RPTOR: variants seen among roughly 807,000 people sequenced by gnomAD.
RPTOR encodes regulatory-associated protein of mTOR.
RPTOR carries 21 observed loss-of-function variants against 169.9 expected under a neutral mutation model. The observed-to-expected ratio is 0.12, with a 90% CI of 0.09 to 0.18. The LOEUF (loss-of-function observed/expected upper bound fraction) is 0.18, where lower values mean the gene tolerates loss of function less well. Among genes scored for constraint, RPTOR ranks in the 10% least tolerant of loss-of-function variants. The pLI is 1.00. For missense variants in RPTOR, 1,133 were observed against 1,855.9 expected (o/e 0.61, Z 7.16); for synonymous variants, 732 against 753.2 (o/e 0.97, Z 0.46).
At chr17:80,576,261 T>A (rs1372985089) in intron 1 of RPTOR, among the ~76,000 whole-genome samples, 1 of 152,244 alleles carries the variant, frequency 6.6e-6, no homozygotes, top group African/African-American at 2.4e-5. Context: ...AATGTTTTTT[T>A]AAATGCCTTT....
intron 1 of RPTOR, among the ~76,000 whole-genome samples, chr17:80,557,504 G>A (rs1163159350): frequency 2.0e-5 from 3 of 151,506 alleles, no homozygotes; most frequent in Admixed American, 6.6e-5. Flanking sequence ...GTGACAGAAC[G>A]AGACTTTGTC....
At chr17:80,640,022 T>C (rs79351253) in intron 2 of RPTOR, among the ~76,000 whole-genome samples, 9,858 of 152,284 alleles carry the variant, frequency 0.065, 1,057 homozygotes, top group African/African-American at 0.23. Flanking sequence ...TGTAAAGTTC[T>C]AAGTATCTTG....
intron 6 of RPTOR, among the ~76,000 whole-genome samples, chr17:80,780,001 C>T (rs1304598292): frequency 6.6e-6 from 1 of 152,048 alleles, no homozygotes; most frequent in Non-Finnish European, 1.5e-5. Context: ...CATGCTGTTG[C>T]GGCTCTCATC....
intron 9 of RPTOR, among the ~76,000 whole-genome samples, chr17:80,835,819 G>A (rs745691617): frequency 6.6e-6 from 1 of 152,132 alleles, no homozygotes; most frequent in Admixed American, 6.5e-5. Context: ...AAACACTTCC[G>A]GTCCCAGGCA....
chr17:80,687,394 C>G (rs2065956680), intron 3 of RPTOR, among the ~76,000 whole-genome samples: 1 of 152,260 alleles, frequency 6.6e-6, no homozygotes, highest in South Asian at 2.1e-4. Context: ...CCACTGGTCA[C>G]TTGTCCACAA....
chr17:80,870,439 C>T, intron 13 of RPTOR, among the ~76,000 whole-genome samples: 1 of 152,240 alleles, frequency 6.6e-6, no homozygotes, highest in East Asian at 1.9e-4. Flanking sequence ...AAAGTCGTTT[C>T]ACCACAGTTC....
intron 24 of RPTOR, among the ~76,000 whole-genome samples, chr17:80,928,346 A>G (rs141511658): frequency 4.9e-4 from 74 of 152,362 alleles, no homozygotes; most frequent in African/African-American, 1.7e-3. Context: ...AACGAGCTGC[A>G]TTAGGAACTT....
chr17:80,897,680 G>C (rs778287569), intron 20 of RPTOR, among the ~76,000 whole-genome samples: 2 of 152,232 alleles, frequency 1.3e-5, no homozygotes, highest in Non-Finnish European at 2.9e-5. Context: ...GTTGGGCTGT[G>C]ACTTTTCTTG....
rs2065701163 is a variant in RPTOR, at chr17:80,659,085, G to A, written c.348+15275G>A. Among the ~76,000 whole-genome samples the A allele has an allele frequency of 6.6e-6, 1 of 152,198 alleles. No homozygotes were observed. On this transcript the variant is annotated intron_variant, in intron 3 of 33. Coordinates refer to ENST00000306801, the MANE Select transcript of RPTOR (RefSeq NM_020761.3). This position sits in a 1 kb window ranked among gnomAD's most constrained non-coding sequence, Gnocchi z 4.3. ...GCCGAGAGCCACAGGGCTCACCCGT[G>A]GAGGGAATCTGAGTCCCGATTGTGG... is the stretch of plus-strand genomic sequence containing the variant.
chr17:80,688,534 A>G (rs1481689575), intron 3 of RPTOR, among the ~76,000 whole-genome samples: 2 of 151,642 alleles, frequency 1.3e-5, no homozygotes, highest in Non-Finnish European at 2.9e-5. Context: ...ACCACTCCAA[A>G]CATCACAGCC....
At chr17:80,625,589 G>A in intron 1 of RPTOR, 102 bp from the exon 2 acceptor site, 1 of 885,828 alleles carries the variant, frequency 1.1e-6, no homozygotes, top group Non-Finnish European at 1.8e-6. Flanking sequence ...AGGTGGGTAG[G>A]GAAGGGGCTC....
intron 1 of RPTOR, among the ~76,000 whole-genome samples, chr17:80,548,078 CTTTTTTTTT>C (rs55928458): frequency 9.7e-6 from 1 of 102,782 alleles, no homozygotes. Flanking sequence ...TTTTCTGTTT[CTTTTTTTTT>C]TTTTTTTTTT....
At position 80,754,791 on chromosome 17, in the gene RPTOR, C is replaced by T. The variant is rs777896598; in HGVS notation, c.830+606C>T. 2.6e-4 allele frequency among the ~76,000 whole-genome samples: 40 copies of T among 152,282 alleles called. No individual in the cohort carries two copies. The highest frequency in any genetic ancestry group is 3.4e-3 in the Middle Eastern group (1 of 294). ...AATATTCTCCCCTAGACCATCTTGC[C>T]AGTCTTTAATATCTCCTTTCCCATT... On this transcript the variant is annotated intron_variant, in intron 6 of 33. Transcript: ENST00000306801. This position sits in a 1 kb window ranked among gnomAD's most constrained non-coding sequence, Gnocchi z 4.2.
At chr17:80,679,958 C>T (rs2065886274) in intron 3 of RPTOR, among the ~76,000 whole-genome samples, 1 of 152,152 alleles carries the variant, frequency 6.6e-6, no homozygotes, top group Non-Finnish European at 1.5e-5. Context: ...TGGTCCCTGT[C>T]CTGGAGAGGA....
At chr17:80,867,362 T>TA (rs35953303) in intron 13 of RPTOR, among the ~76,000 whole-genome samples, 61,189 of 147,680 alleles carry the variant, frequency 0.41, 12,881 homozygotes, top group Non-Finnish European at 0.48. Context: ...ACTTCTGATT[T>TA]AAAAAAAAAA....
intron 13 of RPTOR, among the ~76,000 whole-genome samples, chr17:80,864,903 C>T (rs1433650638): frequency 6.6e-6 from 1 of 152,228 alleles, no homozygotes; most frequent in African/African-American, 2.4e-5. Context: ...TCACCGCTCA[C>T]TGTAAGCTCA....
intron 5 of RPTOR, chr17:80,743,569 A>G (rs2066506620): frequency 6.5e-6 from 3 of 458,526 alleles, no homozygotes; most frequent in Admixed American, 1.3e-4. Context: ...TGCGTGGGCT[A>G]GAAATCATGG....
intron 11 of RPTOR, among the ~76,000 whole-genome samples, chr17:80,849,942 C>T (rs2067775520): frequency 6.6e-6 from 1 of 150,780 alleles, no homozygotes; most frequent in Non-Finnish European, 1.5e-5. Context: ...CTCAGGAAGC[C>T]CAGGCAGGGG....
chr17:80,829,531 A>G (rs2067480299), intron 9 of RPTOR, among the ~76,000 whole-genome samples: 1 of 152,158 alleles, frequency 6.6e-6, no homozygotes. Context: ...GACACATCCA[A>G]CCAGACAGCG....
Sources: gnomAD v4.1 joint callset for allele counts (sites outside exome capture counted in the v4.1 genomes callset) on GRCh38, gnomAD v4.1.1 for gene constraint, Gnocchi (gnomAD v3.1) non-coding constraint, MANE v1.5 for transcripts, NCBI Gene and HGNC (gene_info 2026-07-23, HGNC 2026-07-21) for gene names.